The following LDLRAD4 variants were observed in gnomAD, a reference collection of about 807,000 sequenced individuals.
LDLRAD4 encodes the protein low density lipoprotein receptor class A domain containing 4, also known as low-density lipoprotein receptor class A domain-containing protein 4.
Under a neutral mutation model 17.0 loss-of-function variants are expected in LDLRAD4, and 5 were observed. That is an observed-to-expected ratio of 0.29 (90% CI 0.15 to 0.62). LDLRAD4 has a LOEUF of 0.62. LDLRAD4 is among the 20% of genes least tolerant of loss of function. The probability of loss-of-function intolerance (pLI) is 0.84; values close to 1 mark genes in which losing one functional copy is unlikely to be tolerated. For missense variants in LDLRAD4, 340 were observed against 424.7 expected (o/e 0.80, Z 1.75); for synonymous variants, 168 against 171.8 (o/e 0.98, Z 0.17).
Position 13,650,040 on chromosome 18 carries a change from C to T in LDLRAD4, c.*4383C>T, listed in dbSNP as rs553614735. ...CCTAAATGCTAGTTCTCAGCAGCTG[C>T]GTGGCTTACCGTTCGCCATTTCCAC... On this transcript the variant is annotated 3_prime_UTR_variant, in exon 6 of 6. Transcript: ENST00000359446. The T allele has an allele frequency of 4.3e-5, 17 of 398,596 alleles. No homozygotes were observed. In the South Asian group the frequency reaches 8.9e-4, roughly 21 times the overall value. 24.7% of individuals were successfully genotyped at this position (398,596 alleles called of 1,614,324 possible).
At chr18:13,611,775 A>C in intron 3 of LDLRAD4, 1 of 985,702 alleles carries the variant, frequency 1.0e-6, no homozygotes. Flanking sequence ...TGGGAGAGCC[A>C]AGAGGGAAGA....
intron 1 of LDLRAD4, among the ~76,000 whole-genome samples, chr18:13,315,974 T>G (rs1238185599): frequency 1.3e-5 from 2 of 150,322 alleles, no homozygotes; most frequent in East Asian, 3.9e-4. Flanking sequence ...AATGAAAAAA[T>G]AGAGGAAAGA....
At chr18:13,584,987 C>T (rs530100425) in intron 3 of LDLRAD4, among the ~76,000 whole-genome samples, 47 of 152,322 alleles carry the variant, frequency 3.1e-4, no homozygotes, top group African/African-American at 6.7e-4. Context: ...TATTAGATAA[C>T]GAGGACAGAG....
chr18:13,643,658 A>G (rs2042817706), intron 5 of LDLRAD4, among the ~76,000 whole-genome samples: 1 of 152,250 alleles, frequency 6.6e-6, no homozygotes, highest in Non-Finnish European at 1.5e-5. Flanking sequence ...ACTTATCTTT[A>G]CATGATCCCG....
intron 3 of LDLRAD4, among the ~76,000 whole-genome samples, chr18:13,451,374 A>G: frequency 6.6e-6 from 1 of 152,024 alleles, no homozygotes; most frequent in Admixed American, 6.6e-5. Flanking sequence ...CTGGTTGTTC[A>G]GGTGTACGGC....
chr18:13,253,439 C>A (rs1455956591), intron 1 of LDLRAD4, among the ~76,000 whole-genome samples: 1 of 152,190 alleles, frequency 6.6e-6, no homozygotes, highest in African/African-American at 2.4e-5. Flanking sequence ...CTTTTCCACA[C>A]CTCCGCTTGA....
intron 2 of LDLRAD4, among the ~76,000 whole-genome samples, chr18:13,404,334 G>A (rs940286451): frequency 5.3e-5 from 8 of 152,140 alleles, no homozygotes; most frequent in East Asian, 3.9e-4. Context: ...CTCGGAGGCC[G>A]GATGCTCAAC....
intron 3 of LDLRAD4, among the ~76,000 whole-genome samples, chr18:13,595,330 C>T (rs555706315): frequency 9.9e-5 from 15 of 152,166 alleles, no homozygotes; most frequent in Admixed American, 8.5e-4. Flanking sequence ...TGATATCTTT[C>T]TTAATGTAGG....
intron 3 of LDLRAD4, among the ~76,000 whole-genome samples, chr18:13,512,004 C>T (rs58712291): frequency 0.016 from 2,481 of 152,336 alleles, 78 homozygotes; most frequent in African/African-American, 0.058. Context: ...ATGTAGTCGA[C>T]ATTTCTTTAT....
rs2042054250 is a variant in LDLRAD4, at chr18:13,231,209, G to A, written c.-467+12221G>A. The stretch of plus-strand genomic sequence containing the variant: ...GTGAGGCAAAAGGCAGGTGGTATGG[G>A]AGGAAGCGGGAGGGAGAAGGGCAAG... On this transcript the variant is annotated intron_variant, in intron 1 of 5. Transcript: ENST00000399848. Among the ~76,000 whole-genome samples, 3 of 152,188 alleles carry A rather than the reference G, an allele frequency of 2.0e-5. No individual in the cohort carries two copies. The South Asian group carries it at 6.2e-4, about 32-fold the overall frequency.
chr18:13,368,129 C>T (rs2084203394), intron 1 of LDLRAD4, among the ~76,000 whole-genome samples: 1 of 152,072 alleles, frequency 6.6e-6, no homozygotes. Context: ...TTCTAGGAGG[C>T]AGCTAGCAGA....
At chr18:13,256,318 C>T (rs145476361) in intron 1 of LDLRAD4, among the ~76,000 whole-genome samples, 1,613 of 152,258 alleles carry the variant, frequency 0.011, 11 homozygotes, top group Non-Finnish European at 0.017. Context: ...AATGGCTCTT[C>T]TTTTAAAATA....
intron 1 of LDLRAD4, among the ~76,000 whole-genome samples, chr18:13,283,939 C>G (rs1208975787): frequency 6.6e-6 from 1 of 152,086 alleles, no homozygotes; most frequent in Non-Finnish European, 1.5e-5. Flanking sequence ...GAGGAAGAAG[C>G]AAAAGCAGAA....
intron 3 of LDLRAD4, among the ~76,000 whole-genome samples, chr18:13,567,157 C>A (rs1342029056): frequency 1.3e-5 from 2 of 152,236 alleles, no homozygotes; most frequent in Admixed American, 1.3e-4. Flanking sequence ...ATCATTTCCC[C>A]CTGCCTCCCA....
intron 1 of LDLRAD4, among the ~76,000 whole-genome samples, chr18:13,358,051 A>G (rs541747752): frequency 6.6e-6 from 1 of 152,000 alleles, no homozygotes; most frequent in African/African-American, 2.4e-5. Flanking sequence ...CTTCTTTGCT[A>G]TTGGGTATGA....
intron 3 of LDLRAD4, among the ~76,000 whole-genome samples, chr18:13,599,226 C>T (rs1385822191): frequency 7.4e-5 from 8 of 108,614 alleles, no homozygotes; most frequent in Non-Finnish European, 1.4e-4. Context: ...TGTAGATCTT[C>T]CCTGTGCTGA....
chr18:13,342,858 G>A (rs147647911), intron 1 of LDLRAD4, among the ~76,000 whole-genome samples: 36 of 151,500 alleles, frequency 2.4e-4, no homozygotes, highest in African/African-American at 6.3e-4. Context: ...ATATAATTAC[G>A]GACAGGGAAG....
At chr18:13,628,244 G>A (rs1186279960) in intron 4 of LDLRAD4, among the ~76,000 whole-genome samples, 1 of 152,206 alleles carries the variant, frequency 6.6e-6, no homozygotes, top group Non-Finnish European at 1.5e-5. Flanking sequence ...GGACTAAAGG[G>A]CTTACTGATG....
At chr18:13,527,570 C>T (rs749483205) in intron 3 of LDLRAD4, among the ~76,000 whole-genome samples, 9 of 152,236 alleles carry the variant, frequency 5.9e-5, no homozygotes, top group South Asian at 2.1e-4. Flanking sequence ...CCCTCACCCG[C>T]GGGCTTTCTG....
Sources: gnomAD v4.1 joint callset for allele counts (sites outside exome capture counted in the v4.1 genomes callset) on GRCh38, gnomAD v4.1.1 for gene constraint, MANE v1.5 for transcripts, NCBI Gene and HGNC (gene_info 2026-07-23, HGNC 2026-07-21) for gene names.